Variants in KCNH8 observed in about 807,000 individuals in gnomAD.
The protein encoded by KCNH8 is voltage-gated delayed rectifier potassium channel KCNH8.
Under a neutral mutation model 103.6 loss-of-function variants are expected in KCNH8, and 70 were observed. The ratio of observed to expected loss-of-function variants is 0.68; its 90% CI spans 0.56 to 0.82. KCNH8 has a LOEUF of 0.82. Among genes scored for constraint, KCNH8 ranks in the 40% least tolerant of loss-of-function variants. The pLI is 0.00. For missense variants in KCNH8, 1,217 were observed against 1,329.9 expected (o/e 0.92, Z 1.32); for synonymous variants, 498 against 489.4 (o/e 1.02, Z -0.23).
At chr3:19,178,340 T>C (rs924259492) in intron 1 of KCNH8, among the ~76,000 whole-genome samples, 5 of 152,134 alleles carry the variant, frequency 3.3e-5, no homozygotes, top group Non-Finnish European at 7.4e-5. Context: ...TCTTAATCTT[T>C]AGGTCCTAAC....
chr3:19,444,664 G>A (rs936774491), intron 8 of KCNH8, among the ~76,000 whole-genome samples: 21 of 149,176 alleles, frequency 1.4e-4, no homozygotes, highest in African/African-American at 4.4e-4. Context: ...ATCAATCAAC[G>A]CCCTGAAATG....
intron 2 of KCNH8, among the ~76,000 whole-genome samples, chr3:19,258,832 T>C (rs2064379941): frequency 6.6e-6 from 1 of 151,222 alleles, no homozygotes. Context: ...TCTTCTGCTC[T>C]AGTTGGTCAT....
chr3:19,256,827 C>G (rs1431858133), intron 2 of KCNH8, among the ~76,000 whole-genome samples: 1 of 152,038 alleles, frequency 6.6e-6, no homozygotes, highest in African/African-American at 2.4e-5. Context: ...AGTTAGTCGC[C>G]ATGGGGAATT....
intron 1 of KCNH8, among the ~76,000 whole-genome samples, chr3:19,229,957 G>A (rs1432885699): frequency 1.3e-5 from 2 of 152,190 alleles, no homozygotes; most frequent in Admixed American, 6.5e-5. Context: ...ACCTGAGACT[G>A]GGAAGAAAAA....
intron 10 of KCNH8, among the ~76,000 whole-genome samples, chr3:19,455,701 C>T (rs578153896): frequency 2.9e-4 from 44 of 152,034 alleles, no homozygotes; most frequent in South Asian, 1.9e-3. Flanking sequence ...ATTCATTGAA[C>T]GAATAAATGA....
chr3:19,369,109 A>G (rs1352083760), intron 5 of KCNH8, among the ~76,000 whole-genome samples: 1 of 152,010 alleles, frequency 6.6e-6, no homozygotes, highest in African/African-American at 2.4e-5. Context: ...TAAAGGAAAT[A>G]TGTTTGGAAA....
intron 1 of KCNH8, among the ~76,000 whole-genome samples, chr3:19,163,589 C>A (rs1259614871): frequency 4.6e-5 from 7 of 152,020 alleles, no homozygotes; most frequent in Non-Finnish European, 8.8e-5. Flanking sequence ...TTTATATTAT[C>A]TTCTGAGGTA....
At chr3:19,501,389 C>T (rs2068579577) in intron 11 of KCNH8, among the ~76,000 whole-genome samples, 1 of 152,092 alleles carries the variant, frequency 6.6e-6, no homozygotes, top group Non-Finnish European at 1.5e-5. Flanking sequence ...CTATTCCAAT[C>T]AACAGAAAAA....
intron 1 of KCNH8, among the ~76,000 whole-genome samples, chr3:19,156,651 T>G (rs2063183647): frequency 1.3e-5 from 2 of 152,158 alleles, no homozygotes; most frequent in South Asian, 4.1e-4. Context: ...CCATTTTCTT[T>G]GAGATTTTTC....
At chr3:19,373,562 C>T (rs986133165) in intron 5 of KCNH8, among the ~76,000 whole-genome samples, 4 of 152,060 alleles carry the variant, frequency 2.6e-5, no homozygotes, top group African/African-American at 7.3e-5. Flanking sequence ...AAAACCAGCT[C>T]CTGGATTCAT....
chr3:19,238,767 T>C (rs574734385), intron 1 of KCNH8, among the ~76,000 whole-genome samples: 2 of 152,354 alleles, frequency 1.3e-5, no homozygotes, highest in East Asian at 3.9e-4. Context: ...TTGGGTCTTT[T>C]TCCTCAATGA....
intron 3 of KCNH8, among the ~76,000 whole-genome samples, chr3:19,287,837 G>A (rs904047075): frequency 6.6e-6 from 1 of 151,256 alleles, no homozygotes; most frequent in African/African-American, 2.4e-5. Flanking sequence ...ACCTGCCTCG[G>A]CCTCCTGAAG....
chr3:19,311,960 G>T (rs1488279953), intron 3 of KCNH8, among the ~76,000 whole-genome samples: 1 of 151,830 alleles, frequency 6.6e-6, no homozygotes. Context: ...TTGATATAAG[G>T]CTGACAGATT....
intron 1 of KCNH8, among the ~76,000 whole-genome samples, chr3:19,248,436 A>G (rs2064233518): frequency 6.6e-6 from 1 of 152,198 alleles, no homozygotes; most frequent in Non-Finnish European, 1.5e-5. Context: ...GTTTGCTAAC[A>G]CATCCAGACT....
chr3:19,331,341 G>A (rs2065505606), intron 3 of KCNH8, among the ~76,000 whole-genome samples: 1 of 151,246 alleles, frequency 6.6e-6, no homozygotes, highest in African/African-American at 2.4e-5. Context: ...CGCCAGGCTG[G>A]AGTGCAATGG....
chr3:19,417,504 C>G (rs888874045), intron 7 of KCNH8, among the ~76,000 whole-genome samples: 1 of 151,760 alleles, frequency 6.6e-6, no homozygotes, highest in African/African-American at 2.4e-5. Context: ...TATAAGTAAT[C>G]TTATAAGTAA....
At chr3:19,472,259 G>A (rs2067877047) in intron 11 of KCNH8, among the ~76,000 whole-genome samples, 2 of 149,522 alleles carry the variant, frequency 1.3e-5, no homozygotes, top group South Asian at 2.1e-4. Flanking sequence ...AATGTCCACA[G>A]AATAACAGAA....
In KCNH8 at chr3:19,451,400, T is replaced by A. The variant is rs1575081101; in HGVS notation, c.1821T>A (p.Ile607=). 1 of 1,613,242 alleles carries A rather than the reference T, an allele frequency of 6.2e-7. No individual in the cohort carries two copies. The highest frequency in any genetic ancestry group is 8.5e-7 in the Non-Finnish European group (1 of 1,179,436). Residue 607 remains isoleucine, a synonymous_variant, in exon 10 of 16, where the codon ATT becomes ATA. Transcript: ENST00000328405. ...EVLKDSMVLA[I]LGKGDLIGAN... ...TTAAAGACAGCATGGTGCTGGCTAT[T>A]CTTGGTAGGTCTGAATTGAAAAACT...
intron 1 of KCNH8, among the ~76,000 whole-genome samples, chr3:19,227,240 T>C (rs1430590339): frequency 1.3e-5 from 2 of 152,218 alleles, no homozygotes; most frequent in Non-Finnish European, 2.9e-5. Flanking sequence ...TAATCCCTCC[T>C]TTCACTCATT....
Sources: allele counts gnomAD v4.1 joint callset (sites outside exome capture counted in the v4.1 genomes callset), GRCh38; gene constraint gnomAD v4.1.1; transcripts MANE v1.5; gene names NCBI Gene and HGNC (gene_info 2026-07-23, HGNC 2026-07-21).